The following TEAD1 variants were observed in gnomAD, a reference collection of about 807,000 sequenced individuals.
TEAD1 encodes the protein transcriptional enhancer factor TEF-1.
Under a neutral mutation model 54.9 loss-of-function variants are expected in TEAD1, and 9 were observed. That is an observed-to-expected ratio of 0.16 (90% CI 0.10 to 0.29). TEAD1 has a LOEUF of 0.29. Ranked by LOEUF, TEAD1 falls within the 10% of genes least tolerant of loss-of-function variation. TEAD1 has a pLI of 1.00. For missense variants in TEAD1, 387 were observed against 535.9 expected (o/e 0.72, Z 2.74); for synonymous variants, 200 against 187.8 (o/e 1.07, Z -0.53).
chr11:12,763,652 C>T (rs1268318196), intron 2 of TEAD1, among the ~76,000 whole-genome samples: 1 of 152,156 alleles, frequency 6.6e-6, no homozygotes, highest in East Asian at 1.9e-4. Flanking sequence ...ACAGAGTTTC[C>T]GAGTTATGAT....
At chr11:12,932,674 A>G (rs1009851397) in intron 12 of TEAD1, among the ~76,000 whole-genome samples, 12 of 152,198 alleles carry the variant, frequency 7.9e-5, no homozygotes, top group African/African-American at 2.9e-4. Flanking sequence ...TCACCTAGTG[A>G]TGATGCAACT....
chr11:12,715,679 T>A (rs2133857977), intron 2 of TEAD1, among the ~76,000 whole-genome samples: 1 of 152,084 alleles, frequency 6.6e-6, no homozygotes, highest in African/African-American at 2.4e-5. Flanking sequence ...CCTGAATGAT[T>A]TGGGTTGTAG....
intron 3 of TEAD1, among the ~76,000 whole-genome samples, chr11:12,820,740 G>A (rs1177998994): frequency 6.6e-6 from 1 of 152,240 alleles, no homozygotes; most frequent in African/African-American, 2.4e-5. Flanking sequence ...GCCTGTGCAG[G>A]CTGTGGGGTT....
At chr11:12,773,327 T>A (rs771608757) in intron 3 of TEAD1, among the ~76,000 whole-genome samples, 4 of 152,228 alleles carry the variant, frequency 2.6e-5, no homozygotes, top group Non-Finnish European at 5.9e-5. Context: ...ATTTGTACAT[T>A]CAGTATTTTT....
chr11:12,734,473 A>C (rs1944487072), intron 2 of TEAD1, among the ~76,000 whole-genome samples: 1 of 152,214 alleles, frequency 6.6e-6, no homozygotes, highest in Non-Finnish European at 1.5e-5. Context: ...TAAAGTCTAC[A>C]GTAGCGTACA....
chr11:12,821,980 T>TTTTTTTTG (rs1946558705), intron 3 of TEAD1, among the ~76,000 whole-genome samples: 1 of 131,492 alleles, frequency 7.6e-6, no homozygotes, highest in African/African-American at 2.8e-5. Context: ...TTTTTTTTTT[T>TTTTTTTTG]TGAGACAGAG....
chr11:12,737,396 G>C (rs1944559005), intron 2 of TEAD1, among the ~76,000 whole-genome samples: 2 of 151,942 alleles, frequency 1.3e-5, no homozygotes, highest in South Asian at 4.2e-4. Flanking sequence ...CTTGGTGAAT[G>C]AGTAAGACTC....
chr11:12,734,682 G>A lies in TEAD1; in HGVS notation c.-54-29497G>A, dbSNP rs76715372. 3.2e-3 allele frequency among the ~76,000 whole-genome samples: 492 copies of A among 152,238 alleles called. 3 individuals are homozygous for A. The highest frequency in any genetic ancestry group is 0.025 in the East Asian group (130 of 5,180). On this transcript the variant is annotated intron_variant, in intron 2 of 12. Coordinates refer to ENST00000527636, the MANE Select transcript of TEAD1 (RefSeq NM_021961.6). Reference sequence around the variant, plus strand: ...AAATACTTACCATTGAGTTACAATTGCCTACAGTATTCAGTATAGTAATAT... The same window carrying A: ...AAATACTTACCATTGAGTTACAATTACCTACAGTATTCAGTATAGTAATAT...
At chr11:12,689,565 A>G (rs1412510622) in intron 2 of TEAD1, among the ~76,000 whole-genome samples, 1 of 152,222 alleles carries the variant, frequency 6.6e-6, no homozygotes, top group Non-Finnish European at 1.5e-5. Context: ...TGCTGCTGCT[A>G]ATTATGATTG....
At chr11:12,736,156 CTG>C (rs1191993308) in intron 2 of TEAD1, among the ~76,000 whole-genome samples, 1 of 152,358 alleles carries the variant, frequency 6.6e-6, no homozygotes, top group South Asian at 2.1e-4. Flanking sequence ...GGATTCCTCT[CTG>C]TGAATCTGCC....
intron 2 of TEAD1, among the ~76,000 whole-genome samples, chr11:12,722,948 C>T (rs1944241240): frequency 6.6e-6 from 1 of 151,544 alleles, no homozygotes; most frequent in Admixed American, 6.6e-5. Context: ...ATTTACTTAA[C>T]CATTCATCTA....
At chr11:12,877,837 C>A (rs548938425) in intron 5 of TEAD1, among the ~76,000 whole-genome samples, 76 of 150,282 alleles carry the variant, frequency 5.1e-4, no homozygotes, top group African/African-American at 1.8e-3. Flanking sequence ...CTCTACTGCC[C>A]AGGCTTGAGT....
At chr11:12,851,404 G>A (rs1361565987) in intron 3 of TEAD1, among the ~76,000 whole-genome samples, 1 of 152,190 alleles carries the variant, frequency 6.6e-6, no homozygotes, top group Non-Finnish European at 1.5e-5. Context: ...TGCGATGATA[G>A]CTATGTTAAT....
intron 2 of TEAD1, among the ~76,000 whole-genome samples, chr11:12,726,000 G>A (rs576490173): frequency 1.3e-5 from 2 of 152,264 alleles, no homozygotes; most frequent in South Asian, 2.1e-4. Flanking sequence ...CCTTCCACGC[G>A]TCCAACAAAT....
chr11:12,834,324 T>C (rs911609512), intron 3 of TEAD1, among the ~76,000 whole-genome samples: 1 of 152,216 alleles, frequency 6.6e-6, no homozygotes, highest in Non-Finnish European at 1.5e-5. Flanking sequence ...GTAACAGATA[T>C]CCATGGAAAC....
chr11:12,756,288 C>G (rs953191715), intron 2 of TEAD1, among the ~76,000 whole-genome samples: 2 of 152,186 alleles, frequency 1.3e-5, no homozygotes, highest in Non-Finnish European at 2.9e-5. Context: ...CTGCTGCTGT[C>G]GTTGTGGCAC....
chr11:12,806,114 C>T (rs566904234), intron 3 of TEAD1, among the ~76,000 whole-genome samples: 7 of 152,188 alleles, frequency 4.6e-5, no homozygotes, highest in African/African-American at 1.2e-4. Context: ...AAGGAAAATT[C>T]GAGTTAATAC....
rs1474295589 is a variant in TEAD1 at position 12,908,884 on chromosome 11, T to TTTTTTTTTTTTG, written c.873+6782_873+6783insGTTTTTTTTTTT. 1.4e-3 allele frequency among the ~76,000 whole-genome samples: 128 copies of TTTTTTTTTTTTG among 92,182 alleles called. 5 individuals are homozygous for TTTTTTTTTTTTG. The highest frequency in any genetic ancestry group is 1.8e-3 in the Non-Finnish European group (94 of 51,238). The allele number at this position is 92,182 out of a possible 152,430, so 60.5% of individuals were successfully genotyped here. ...ATGTCAGTATACTTCAAATTATCTG[T>TTTTTTTTTTTTG]TTTTTTTTTTTTGAGACAGTGTTGC... On this transcript the variant is annotated intron_variant, in intron 10 of 12. Transcript: ENST00000527636.
chr11:12,896,875 A>T (rs1346190538), intron 9 of TEAD1, among the ~76,000 whole-genome samples: 1 of 152,208 alleles, frequency 6.6e-6, no homozygotes, highest in African/African-American at 2.4e-5. Flanking sequence ...CCTGGCATGT[A>T]TGATGGATGA....
Sources: allele counts gnomAD v4.1 joint callset (sites outside exome capture counted in the v4.1 genomes callset), GRCh38; gene constraint gnomAD v4.1.1; transcripts MANE v1.5; gene names NCBI Gene and HGNC (gene_info 2026-07-23, HGNC 2026-07-21).